The following KCNT1 variants were observed in gnomAD, a reference collection of about 807,000 sequenced individuals.
KCNT1 encodes the protein potassium sodium-activated channel subfamily T member 1.
In KCNT1, 78 loss-of-function variants were observed where a neutral mutation model predicts 147.8. The ratio of observed to expected loss-of-function variants is 0.53; its 90% CI spans 0.44 to 0.64. The LOEUF (loss-of-function observed/expected upper bound fraction) is 0.64. Ranked by LOEUF, KCNT1 falls within the 30% of genes least tolerant of loss-of-function variation. The pLI, the probability that KCNT1 is intolerant of heterozygous loss-of-function variation, is 0.00. For synonymous variants in KCNT1, 867 were observed against 748.8 expected (o/e 1.16, Z -2.58); for missense variants, 1,419 against 1,750.3 (o/e 0.81, Z 3.38).
Position 135,771,270 on chromosome 9 carries a change from C to T in KCNT1, c.2008+175C>T, listed in dbSNP as rs956666775. On this transcript the variant is annotated intron_variant, in intron 18 of 30. Coordinates refer to ENST00000371757, the MANE Select transcript of KCNT1 (RefSeq NM_020822.3). ...CAGGTGACCAGGTGGGACGGGAGAC[C>T]AGGCAGGGCGGGAGACCAGGTGGGA... 72 of 637,706 alleles carry T rather than the reference C, an allele frequency of 1.1e-4. 1 individual carries two copies. Among genetic ancestry groups the T allele is most frequent in the Non-Finnish European group, 1.8e-4 (66 of 368,398 alleles). 39.5% of individuals were successfully genotyped at this position (637,706 alleles called of 1,614,324 possible). A position where few individuals can be genotyped will look rare whatever the true frequency, so the allele number is the denominator to read the frequency against.
chr9:135,744,058 A>C (rs1427926313), intron 2 of KCNT1, among the ~76,000 whole-genome samples: 3 of 152,076 alleles, frequency 2.0e-5, no homozygotes, highest in Non-Finnish European at 2.9e-5. Flanking sequence ...GCCAGCCGGC[A>C]CCCAGCCACT....
At chr9:135,742,886 C>CT in intron 2 of KCNT1, 1 of 709,836 alleles carries the variant, frequency 1.4e-6, no homozygotes, top group Non-Finnish European at 2.6e-6. Flanking sequence ...GCCCTTGTTT[C>CT]TGGGGGGTCC....
intron 2 of KCNT1, among the ~76,000 whole-genome samples, chr9:135,735,542 G>T (rs1356437476): frequency 6.6e-6 from 1 of 152,256 alleles, no homozygotes; most frequent in Non-Finnish European, 1.5e-5. Flanking sequence ...AGGGTGGGGG[G>T]ATTCAGGGTG....
chr9:135,718,997 G>T (rs1835823158), intron 2 of KCNT1, among the ~76,000 whole-genome samples: 1 of 152,216 alleles, frequency 6.6e-6, no homozygotes. Flanking sequence ...ACCTGATGGT[G>T]GACCCTCACC....
intron 13 of KCNT1, among the ~76,000 whole-genome samples, chr9:135,768,090 G>C (rs1475943670): frequency 6.6e-6 from 1 of 151,450 alleles, no homozygotes; most frequent in Non-Finnish European, 1.5e-5. Flanking sequence ...CCCACCCTCT[G>C]TCAGCCTGCA....
chr9:135,761,027 A>AT (rs370378994), intron 11 of KCNT1, among the ~76,000 whole-genome samples: 44,107 of 147,076 alleles, frequency 0.3, 6,588 homozygotes, highest in Middle Eastern at 0.38. Context: ...GATGGTCTTG[A>AT]TTTTTTTTTT....
At chr9:135,741,345 G>A (rs1004994311) in intron 2 of KCNT1, among the ~76,000 whole-genome samples, 8 of 152,186 alleles carry the variant, frequency 5.3e-5, no homozygotes, top group East Asian at 3.9e-4. Context: ...TGGCCACGCC[G>A]GACCTGACCC....
At chr9:135,709,147 A>G (rs1245273066) in intron 1 of KCNT1, among the ~76,000 whole-genome samples, 2 of 152,198 alleles carry the variant, frequency 1.3e-5, no homozygotes, top group Non-Finnish European at 2.9e-5. Flanking sequence ...TATATCACCT[A>G]CAAGCTGGGT....
At chr9:135,768,257 G>GGGGC (rs1832446682) in intron 13 of KCNT1, among the ~76,000 whole-genome samples, 1 of 13,294 alleles carries the variant, frequency 7.5e-5, no homozygotes, top group African/African-American at 2.1e-4. Context: ...GGGGGGGGGG[G>GGGGC]CACTGGGATA....
chr9:135,752,306 T>C lies in KCNT1; in HGVS notation c.434+1265T>C. On this transcript the variant is annotated intron_variant, in intron 4 of 30. Coordinates refer to ENST00000371757, the MANE Select transcript of KCNT1 (RefSeq NM_020822.3). This position sits in a 1 kb window ranked among gnomAD's most constrained non-coding sequence, Gnocchi z 5.1. ...ATCCCCCTTTTCACCTGTTACCCCG[T>C]CACAAGGGGGCCTGGCATCCCCAGG... 2.2e-6 allele frequency: 1 copy of C among 453,984 alleles called. No homozygotes were observed. The highest frequency in any genetic ancestry group is 1.6e-5 in the South Asian group (1 of 64,092). 28.1% of individuals were successfully genotyped at this position (453,984 alleles called of 1,614,324 possible).
rs1834600312 is a variant in KCNT1 at position 135,792,307 on chromosome 9, G to C, written c.*146G>C. 1.8e-6 allele frequency: 2 copies of C among 1,104,146 alleles called. No homozygotes were observed. The highest frequency in any genetic ancestry group is 5.4e-5 in the East Asian group (2 of 37,138). 68.4% of individuals were successfully genotyped at this position (1,104,146 alleles called of 1,614,324 possible). On this transcript the variant is annotated 3_prime_UTR_variant, in exon 31 of 31. Transcript: ENST00000371757. Reference sequence around the variant, plus strand: ...GCTCCTGGGACTCCACCCTGGAAAGGAGCCCCTCATGCGGGGGGAGGGCCA... The same window carrying C: ...GCTCCTGGGACTCCACCCTGGAAAGCAGCCCCTCATGCGGGGGGAGGGCCA...
chr9:135,789,963 G>GGCACT (rs1204442088), intron 29 of KCNT1: 1 of 152,358 alleles, frequency 6.6e-6, no homozygotes, highest in Non-Finnish European at 1.5e-5. Context: ...CCCAGGCCCT[G>GGCACT]GCACTGCAGC....
rs939389547 is a variant in KCNT1, at chr9:135,772,952, G to A, written c.2243+3G>A. Reference sequence around the variant, plus strand: ...GACGAGGGGCTCTCCGTGGTAGAGTGAGTGCTGCCTTGGAGACGGCTCCCA... The same window carrying A: ...GACGAGGGGCTCTCCGTGGTAGAGTAAGTGCTGCCTTGGAGACGGCTCCCA... On this transcript the variant is annotated splice_donor_region_variant and intron_variant, in intron 19 of 30. Coordinates refer to ENST00000371757, the MANE Select transcript of KCNT1 (RefSeq NM_020822.3). 9.5e-6 allele frequency: 14 copies of A among 1,472,856 alleles called. No homozygotes were observed. Among genetic ancestry groups the A allele is most frequent in the African/African-American group, 5.7e-5 (4 of 70,750 alleles). 91.2% of individuals were successfully genotyped at this position (1,472,856 alleles called of 1,614,324 possible). A position where few individuals can be genotyped will look rare whatever the true frequency, so the allele number is the denominator to read the frequency against.
chr9:135,705,528 A>C (rs1039130032), intron 1 of KCNT1, among the ~76,000 whole-genome samples: 2 of 152,218 alleles, frequency 1.3e-5, no homozygotes, highest in Non-Finnish European at 2.9e-5. Context: ...GTGACCTTGA[A>C]GTCACCGGTC....
rs536838149 is a variant in KCNT1 at position 135,746,251 on chromosome 9, G to C, written c.255-3847G>C. Among the ~76,000 whole-genome samples, 49 of 152,290 alleles carry C rather than the reference G, an allele frequency of 3.2e-4. 2 individuals carry two copies. In the South Asian group the frequency reaches 1.0e-2, roughly 31 times the overall value. On this transcript the variant is annotated intron_variant, in intron 2 of 30. Coordinates refer to ENST00000371757, the MANE Select transcript of KCNT1 (RefSeq NM_020822.3). ...AGCGTTTCTCTGCCTCCACGTGGAG[G>C]GTGCCATCTGTGCAGGTGGGCACTC...
At chr9:135,786,694 C>T (rs1298142710) in intron 29 of KCNT1, among the ~76,000 whole-genome samples, 173 bp downstream of exon 29, 1 of 152,270 alleles carries the variant, frequency 6.6e-6, no homozygotes, top group Non-Finnish European at 1.5e-5. Flanking sequence ...GTGGGGCCAG[C>T]TGTGGGCACC....
In KCNT1 at chr9:135,792,139, C is replaced by A; in HGVS notation, c.3686C>A (p.Thr1229Asn). The change falls in exon 31 of 31, where the codon ACT (threonine) becomes AAT (asparagine). Residue 1229 changes from threonine (T) to asparagine (N), a missense_variant. Physicochemically the swap from Thr to Asn is moderately conservative, Grantham distance 65. Around this residue, in one of 5 missense-constraint regions of KCNT1, gnomAD observed 306 missense variants for 294.2 expected, o/e 1.04. Transcript: ENST00000371757. ...SHKLSSCNPETRDETQL is the reference protein window; with the variant it reads ...SHKLSSCNPENRDETQL ...AAGCTGTCGTCCTGCAACCCCGAGA[C>A]TCGCGACGAGACACAGCTCTGAGCC... The A allele has an allele frequency of 6.2e-7, 1 of 1,606,088 alleles. No homozygotes were observed. Among genetic ancestry groups the A allele is most frequent in the South Asian group, 1.1e-5 (1 of 90,836 alleles).
At chr9:135,782,193 G>T (rs1057060290) in intron 24 of KCNT1, among the ~76,000 whole-genome samples, 1 of 152,284 alleles carries the variant, frequency 6.6e-6, no homozygotes, top group South Asian at 2.1e-4. Flanking sequence ...GACAGAGCGA[G>T]ACCCTGTCTC....
At chr9:135,740,883 C>T (rs1023403776) in intron 2 of KCNT1, among the ~76,000 whole-genome samples, 5 of 152,000 alleles carry the variant, frequency 3.3e-5, no homozygotes, top group African/African-American at 9.7e-5. Flanking sequence ...GGATAGAGGC[C>T]GAGCTTCCTC....
Sources: allele counts gnomAD v4.1 joint callset (sites outside exome capture counted in the v4.1 genomes callset), GRCh38; gene constraint gnomAD v4.1.1; regional missense constraint gnomAD v4.1.1; non-coding constraint Gnocchi (gnomAD v3.1); transcripts MANE v1.5; gene names NCBI Gene and HGNC (gene_info 2026-07-23, HGNC 2026-07-21).